The following CDYL2 variants were observed in gnomAD, a reference collection of about 807,000 sequenced individuals.
CDYL2 encodes the protein chromodomain Y-like protein 2.
CDYL2 carries 23 observed loss-of-function variants against 49.4 expected under a neutral mutation model. The ratio of observed to expected loss-of-function variants is 0.47; its 90% CI spans 0.34 to 0.66. The LOEUF (loss-of-function observed/expected upper bound fraction) is 0.66, where lower values mean the gene tolerates loss of function less well. Ranked by LOEUF, CDYL2 falls within the 30% of genes least tolerant of loss-of-function variation. The probability of loss-of-function intolerance (pLI) is 0.01; values close to 1 mark genes in which losing one functional copy is unlikely to be tolerated. For synonymous variants in CDYL2, 360 were observed against 268.8 expected, an observed-to-expected ratio of 1.34 and a Z score of -3.32; for missense variants, 678 against 656.4, an observed-to-expected ratio of 1.03 and a Z score of -0.36.
At chr16:80,743,072 G>A (rs1038769494) in intron 1 of CDYL2, among the ~76,000 whole-genome samples, 6 of 152,096 alleles carry the variant, frequency 3.9e-5, no homozygotes, top group African/African-American at 7.2e-5. Context: ...ATGGACCGAC[G>A]GACGGACTCA....
At chr16:80,660,261 A>T (rs955372326) in intron 2 of CDYL2, among the ~76,000 whole-genome samples, 4 of 152,118 alleles carry the variant, frequency 2.6e-5, no homozygotes, top group African/African-American at 9.7e-5. Flanking sequence ...TAGTAAATGT[A>T]ATTACTGGCT....
At chr16:80,711,486 T>A (rs540557477) in intron 1 of CDYL2, among the ~76,000 whole-genome samples, 1 of 152,062 alleles carries the variant, frequency 6.6e-6, no homozygotes, top group African/African-American at 2.4e-5. Context: ...AATAAAAGAG[T>A]TGACATTTCC....
chr16:80,720,093 C>G (rs1410015983), intron 1 of CDYL2, among the ~76,000 whole-genome samples: 2 of 152,124 alleles, frequency 1.3e-5, no homozygotes, highest in Admixed American at 1.3e-4. Flanking sequence ...CAGAAATGGG[C>G]AGGTAGAGAA....
chr16:80,623,470 T>G (rs929092202), intron 3 of CDYL2, among the ~76,000 whole-genome samples: 4 of 152,146 alleles, frequency 2.6e-5, no homozygotes, highest in Non-Finnish European at 5.9e-5. Context: ...CCCCAAGCAC[T>G]TTCAAACCTC....
Position 80,633,251 on chromosome 16 carries a change from T to A in CDYL2, c.617-15A>T, listed in dbSNP as rs373490866. On this transcript the variant is annotated splice_polypyrimidine_tract_variant and intron_variant, in intron 2 of 6. Transcript: ENST00000570137. The stretch of plus-strand genomic sequence containing the variant: ...CAGAGCAGAGCCTTCCAAAACCAGA[T>A]AAACAATGTAAGAAACTGAAATGGA... The A allele has an allele frequency of 1.2e-6, 2 of 1,606,506 alleles. No homozygotes were observed. The highest frequency in any genetic ancestry group is 1.1e-5 in the South Asian group (1 of 90,934).
intron 1 of CDYL2, among the ~76,000 whole-genome samples, chr16:80,785,770 G>C (rs1166730265): frequency 6.6e-6 from 1 of 152,134 alleles, no homozygotes; most frequent in Non-Finnish European, 1.5e-5. Flanking sequence ...CAGAGATATA[G>C]ACCAATGGAA....
chr16:80,739,837 G>A (rs1905673774), intron 1 of CDYL2, among the ~76,000 whole-genome samples: 1 of 152,204 alleles, frequency 6.6e-6, no homozygotes, highest in Non-Finnish European at 1.5e-5. Context: ...CTGGGGACCT[G>A]CTGTCCACGG....
In CDYL2 at chr16:80,604,096, T is replaced by A. The variant is rs943909964; in HGVS notation, c.*292A>T. The A allele has an allele frequency of 2.2e-5, 9 of 415,850 alleles. No homozygotes were observed. In the South Asian group the frequency reaches 2.8e-4, roughly 13 times the overall value. 25.8% of individuals were successfully genotyped at this position (415,850 alleles called of 1,614,324 possible). On this transcript the variant is annotated 3_prime_UTR_variant, in exon 7 of 7. Coordinates refer to ENST00000570137, the MANE Select transcript of CDYL2 (RefSeq NM_152342.4). ...CCTTCCTGGACCGTCATGGTGCATT[T>A]CAGCAAGTGGGGAAAGGACAGCGGT...
intron 2 of CDYL2, among the ~76,000 whole-genome samples, chr16:80,644,262 C>A (rs1439415038): frequency 3.9e-5 from 6 of 152,246 alleles, no homozygotes; most frequent in Admixed American, 1.3e-4. Flanking sequence ...CCATCTGAGA[C>A]CATCTAAGCC....
chr16:80,712,639 G>C (rs1040488635), intron 1 of CDYL2, among the ~76,000 whole-genome samples: 1 of 152,038 alleles, frequency 6.6e-6, no homozygotes, highest in Non-Finnish European at 1.5e-5. Flanking sequence ...CGAGGTGCTT[G>C]GAAAGGAAAA....
intron 1 of CDYL2, among the ~76,000 whole-genome samples, chr16:80,757,661 A>G (rs1906360296): frequency 1.3e-5 from 2 of 151,696 alleles, no homozygotes; most frequent in South Asian, 4.2e-4. Context: ...TTTATTTGAC[A>G]TTTTATATAT....
At chr16:80,769,686 G>C (rs1350689265) in intron 1 of CDYL2, among the ~76,000 whole-genome samples, 4 of 152,138 alleles carry the variant, frequency 2.6e-5, no homozygotes, top group Non-Finnish European at 5.9e-5. Flanking sequence ...ACTTTTATGG[G>C]TAGAATCTCA....
chr16:80,617,530 G>A (rs927577859), intron 4 of CDYL2, among the ~76,000 whole-genome samples: 1 of 152,158 alleles, frequency 6.6e-6, no homozygotes. Flanking sequence ...AACGTTCTGT[G>A]CAGAATGCTT....
At chr16:80,725,209 T>TAC (rs369481037) in intron 1 of CDYL2, among the ~76,000 whole-genome samples, 1 of 147,468 alleles carries the variant, frequency 6.8e-6, no homozygotes, top group Non-Finnish European at 1.5e-5. Context: ...CACACACACA[T>TAC]ACACACACAC....
intron 1 of CDYL2, among the ~76,000 whole-genome samples, chr16:80,731,963 G>C (rs1905341657): frequency 6.6e-6 from 1 of 150,966 alleles, no homozygotes; most frequent in African/African-American, 2.4e-5. Context: ...AGGGGATCCA[G>C]GGTGACAGAG....
At chr16:80,759,392 C>A (rs1322939523) in intron 1 of CDYL2, among the ~76,000 whole-genome samples, 3 of 151,860 alleles carry the variant, frequency 2.0e-5, no homozygotes, top group Non-Finnish European at 2.9e-5. Flanking sequence ...TAGTCCTAAG[C>A]AATGTGATTT....
Position 80,676,961 on chromosome 16 carries a change from G to GTCTTTTTTTTTTTTTTTT in CDYL2, c.616+7576_616+7577insAAAAAAAAAAAAAAAAGA, listed in dbSNP as rs1407459686. Among the ~76,000 whole-genome samples, 6 of 110,518 alleles carry GTCTTTTTTTTTTTTTTTT rather than the reference G, an allele frequency of 5.4e-5. 2 individuals are homozygous for GTCTTTTTTTTTTTTTTTT. Among genetic ancestry groups the GTCTTTTTTTTTTTTTTTT allele is most frequent in the Non-Finnish European group, 1.9e-5 (1 of 53,550 alleles). The allele number at this position is 110,518 out of a possible 152,430, so 72.5% of individuals were successfully genotyped here. A position where few individuals can be genotyped will look rare whatever the true frequency, so the allele number is the denominator to read the frequency against. On this transcript the variant is annotated intron_variant, in intron 2 of 6. Transcript: ENST00000570137. ...AGGACTTTTTAACAACCAATTCAATGTATTTTTTTTTTTTTTTTTTTTTTT... is the reference window on the plus strand; with the variant it reads ...AGGACTTTTTAACAACCAATTCAATGTCTTTTTTTTTTTTTTTTTATTTTTTTTTTTTTTTTTTTTTTT...
chr16:80,764,917 G>A (rs1050363663), intron 1 of CDYL2, among the ~76,000 whole-genome samples: 13 of 151,252 alleles, frequency 8.6e-5, no homozygotes, highest in East Asian at 1.9e-4. Context: ...AAAATTAGCC[G>A]GGTGCAGTGG....
chr16:80,748,242 G>C (rs984146144), intron 1 of CDYL2, among the ~76,000 whole-genome samples: 3 of 149,566 alleles, frequency 2.0e-5, no homozygotes, highest in African/African-American at 7.3e-5. Flanking sequence ...ACTCAGGTGG[G>C]TGGACCGGGC....
Sources: allele counts gnomAD v4.1 joint callset (sites outside exome capture counted in the v4.1 genomes callset), GRCh38; gene constraint gnomAD v4.1.1; transcripts MANE v1.5; gene names NCBI Gene and HGNC (gene_info 2026-07-23, HGNC 2026-07-21).